C4orf17: variants seen among roughly 807,000 people sequenced by gnomAD.
The protein encoded by C4orf17 is chromosome 4 open reading frame 17, also known as uncharacterized protein C4orf17.
A neutral mutation model predicts 32.0 loss-of-function variants in C4orf17; 25 were observed. That is an observed-to-expected ratio of 0.78 (90% CI 0.57 to 1.09). The LOEUF is 1.09. Ranked by LOEUF, C4orf17 falls within the 50% of genes least tolerant of loss-of-function variation. The pLI, the probability that C4orf17 is intolerant of heterozygous loss-of-function variation, is 0.00. For missense variants in C4orf17, 420 were observed against 420.0 expected (o/e 1.00, Z 0.00); for synonymous variants, 149 against 145.8 (o/e 1.02, Z -0.16).
intron 7 of C4orf17, 26 bp from the exon 8 acceptor site, chr4:99,540,386 C>A: frequency 6.3e-7 from 1 of 1,592,532 alleles, no homozygotes; most frequent in Non-Finnish European, 8.6e-7. Flanking sequence ...GTGAAATTCA[C>A]TTTTTTCTTT....
At chr4:99,527,010 G>T (rs7665289) in intron 4 of C4orf17, among the ~76,000 whole-genome samples, 89,851 of 151,718 alleles carry the variant, frequency 0.59, 29,841 homozygotes, top group African/African-American at 0.89. Context: ...ATTTGAGACT[G>T]TTTTTTTCTA....
chr4:99,534,486 G>T (rs1290816963), intron 5 of C4orf17, among the ~76,000 whole-genome samples: 3 of 152,008 alleles, frequency 2.0e-5, no homozygotes, highest in Non-Finnish European at 2.9e-5. Flanking sequence ...ATTCCTTTGG[G>T]TATATACCCA....
chr4:99,518,574 G>GAGAA (rs1723233921), intron 2 of C4orf17, among the ~76,000 whole-genome samples: 1 of 125,672 alleles, frequency 8.0e-6, no homozygotes, highest in Non-Finnish European at 1.6e-5. Context: ...GAGAGAGAGA[G>GAGAA]AGAGAGAGAG....
intron 2 of C4orf17, among the ~76,000 whole-genome samples, chr4:99,518,581 AGAGG>A (rs1249082777): frequency 1.8e-5 from 2 of 110,676 alleles, no homozygotes; most frequent in East Asian, 2.8e-4. Flanking sequence ...AGAGAGAGAG[AGAGG>A]GAGGGAGACA....
intron 5 of C4orf17, among the ~76,000 whole-genome samples, chr4:99,532,224 C>A (rs1723488160): frequency 6.6e-6 from 1 of 151,992 alleles, no homozygotes; most frequent in Admixed American, 6.6e-5. Context: ...ATAAATTGTT[C>A]TAAAAGATAA....
intron 5 of C4orf17, among the ~76,000 whole-genome samples, chr4:99,534,910 C>T (rs1210193073): frequency 2.6e-5 from 4 of 152,104 alleles, no homozygotes; most frequent in African/African-American, 9.7e-5. Flanking sequence ...TTAGTGCTTC[C>T]TTCAGGAGCA....
At chr4:99,535,927 T>G in intron 5 of C4orf17, 1 of 448,270 alleles carries the variant, frequency 2.2e-6, no homozygotes. Context: ...TGTGGCATCT[T>G]TGTTGTTGTT....
chr4:99,531,179 A>C (rs1393548838), intron 5 of C4orf17, among the ~76,000 whole-genome samples: 4 of 151,998 alleles, frequency 2.6e-5, no homozygotes, highest in African/African-American at 7.2e-5. Flanking sequence ...ATTTAGTTCA[A>C]TATTTTGTCT....
Position 99,511,201 on chromosome 4 carries a change from A to G in C4orf17, c.-165A>G, listed in dbSNP as rs1723088038. ...AACAAAAACTCAGTCTAGACATATT[A>G]TGAGGCTGGGAGGGTATCAACAGAC... On this transcript the variant is annotated 5_prime_UTR_variant, in exon 1 of 9. It removes an upstream start codon present in the reference 5' UTR. Transcript: ENST00000326581. 6.6e-6 allele frequency: 1 copy of G among 152,180 alleles called. No individual in the cohort carries two copies. The highest frequency in any genetic ancestry group is 1.5e-5 in the Non-Finnish European group (1 of 68,018). The allele number at this position is 152,180 out of a possible 1,614,324, so 9.4% of individuals were successfully genotyped here.
intron 4 of C4orf17, among the ~76,000 whole-genome samples, chr4:99,527,497 G>A (rs1712316961): frequency 6.6e-6 from 1 of 152,300 alleles, no homozygotes; most frequent in African/African-American, 2.4e-5. Context: ...ACCTATGGTG[G>A]GGTGGGGGGA....
intron 2 of C4orf17, among the ~76,000 whole-genome samples, chr4:99,515,588 T>C (rs1370839518): frequency 6.6e-6 from 1 of 151,942 alleles, no homozygotes; most frequent in Non-Finnish European, 1.5e-5. Context: ...GAAAAATAAC[T>C]AATGGGTACT....
chr4:99,518,016 T>C (rs1227394756), intron 2 of C4orf17, among the ~76,000 whole-genome samples: 1 of 151,966 alleles, frequency 6.6e-6, no homozygotes, highest in Non-Finnish European at 1.5e-5. Context: ...CTTTAACTCC[T>C]CTCCCTCATT....
intron 2 of C4orf17, among the ~76,000 whole-genome samples, chr4:99,518,304 A>C (rs1723220385): frequency 6.6e-6 from 1 of 150,788 alleles, no homozygotes. Flanking sequence ...TTGCAATCCC[A>C]ACACTTTGGG....
chr4:99,539,141 C>A lies in C4orf17; in HGVS notation c.629-22C>A, dbSNP rs772661469. 4.4e-6 allele frequency: 7 copies of A among 1,606,004 alleles called. No homozygotes were observed. The South Asian group carries it at 7.7e-5, about 18-fold the overall frequency. ...TAATTGCAACCTTCACTCCTCCCACCCTTTTTTGTCTTTTAAACCAGAAAA... is the reference window on the plus strand; with the variant it reads ...TAATTGCAACCTTCACTCCTCCCACACTTTTTTGTCTTTTAAACCAGAAAA... On this transcript the variant is annotated intron_variant, in intron 6 of 8. Coordinates refer to ENST00000326581, the MANE Select transcript of C4orf17 (RefSeq NM_032149.3).
chr4:99,537,259 G>A (rs905236700), intron 5 of C4orf17, among the ~76,000 whole-genome samples: 1 of 152,144 alleles, frequency 6.6e-6, no homozygotes, highest in Non-Finnish European at 1.5e-5. Flanking sequence ...AGCTGCTCAG[G>A]GCAAGCCGCA....
At chr4:99,524,330 T>G (rs1326772101) in intron 3 of C4orf17, among the ~76,000 whole-genome samples, 191 bp from the exon 4 acceptor site, 1 of 152,168 alleles carries the variant, frequency 6.6e-6, no homozygotes, top group Non-Finnish European at 1.5e-5. Context: ...TAGAACTAGT[T>G]TTTAAATGCA....
intron 2 of C4orf17, among the ~76,000 whole-genome samples, chr4:99,521,269 A>T (rs1723283157): frequency 6.6e-6 from 1 of 152,048 alleles, no homozygotes; most frequent in Non-Finnish European, 1.5e-5. Context: ...GCTACTCAGG[A>T]GGCTGAGGCA....
chr4:99,517,237 A>G (rs532696911), intron 2 of C4orf17, among the ~76,000 whole-genome samples: 1 of 152,262 alleles, frequency 6.6e-6, no homozygotes, highest in South Asian at 2.1e-4. Context: ...GTCTCATGCT[A>G]TCCTTGAATG....
intron 5 of C4orf17, among the ~76,000 whole-genome samples, chr4:99,532,167 G>T (rs1042521285): frequency 6.6e-6 from 1 of 152,058 alleles, no homozygotes; most frequent in South Asian, 2.1e-4. Flanking sequence ...AAATAGAATT[G>T]CCATTCAAAC....
Sources: gnomAD v4.1 joint callset for allele counts (sites outside exome capture counted in the v4.1 genomes callset) on GRCh38, gnomAD v4.1.1 for gene constraint, MANE v1.5 for transcripts, NCBI Gene and HGNC (gene_info 2026-07-23, HGNC 2026-07-21) for gene names.